SCAP: variants seen among roughly 807,000 people sequenced by gnomAD.
SCAP encodes sterol regulatory element-binding protein cleavage-activating protein.
Under a neutral mutation model 123.6 loss-of-function variants are expected in SCAP, and 65 were observed. The ratio of observed to expected loss-of-function variants is 0.53; its 90% CI spans 0.43 to 0.65. The LOEUF (loss-of-function observed/expected upper bound fraction) is 0.65. Among genes scored for constraint, SCAP ranks in the 30% least tolerant of loss-of-function variants. The pLI, the probability that SCAP is intolerant of heterozygous loss-of-function variation, is 0.00. For missense variants in SCAP, 1,398 were observed against 1,712.5 expected (o/e 0.82, Z 3.24); for synonymous variants, 740 against 726.3 (o/e 1.02, Z -0.30).
intron 1 of SCAP, among the ~76,000 whole-genome samples, chr3:47,444,066 T>C (rs1706929394): frequency 6.6e-6 from 1 of 152,194 alleles, no homozygotes. Context: ...TTCTAATAAA[T>C]TATCTTTTTG....
intron 1 of SCAP, among the ~76,000 whole-genome samples, chr3:47,456,509 T>C (rs2107975759): frequency 6.6e-6 from 1 of 152,114 alleles, no homozygotes; most frequent in East Asian, 1.9e-4. Flanking sequence ...CTCATGCCTG[T>C]AATCCCAGCA....
At chr3:47,436,872 C>T (rs148681312) in intron 2 of SCAP, among the ~76,000 whole-genome samples, 15 of 152,268 alleles carry the variant, frequency 9.9e-5, no homozygotes, top group Non-Finnish European at 2.2e-4. Flanking sequence ...CATACCACTC[C>T]CCACCACCAA....
intron 1 of SCAP, among the ~76,000 whole-genome samples, chr3:47,467,966 G>A (rs1027691294): frequency 1.3e-4 from 19 of 151,036 alleles, no homozygotes; most frequent in Admixed American, 4.6e-4. Flanking sequence ...GAGAACATGC[G>A]GTGTTTGGTT....
rs757735586 is a variant in SCAP at position 47,427,682 on chromosome 3, G to C, written c.411-15C>G. On this transcript the variant is annotated splice_polypyrimidine_tract_variant and intron_variant, in intron 4 of 22. Transcript: ENST00000265565. ...TGATCCCAGAGCTGCACAGGAGACA[G>C]GACAAGGCACCTGCTGTGTCTGCCA... is the stretch of plus-strand genomic sequence containing the variant. The C allele has an allele frequency of 4.0e-5, 65 of 1,609,484 alleles. No homozygotes were observed. The highest frequency in any genetic ancestry group is 2.5e-4 in the African/African-American group (19 of 74,784).
chr3:47,422,031 A>C (rs1449210186), intron 10 of SCAP, among the ~76,000 whole-genome samples: 1 of 152,276 alleles, frequency 6.6e-6, no homozygotes, highest in Non-Finnish European at 1.5e-5. Flanking sequence ...AAGGGAGGAG[A>C]CCGGAGGAAG....
At chr3:47,441,081 T>C (rs1305691437) in intron 2 of SCAP, among the ~76,000 whole-genome samples, 1 of 152,026 alleles carries the variant, frequency 6.6e-6, no homozygotes, top group East Asian at 1.9e-4. Flanking sequence ...TTTGCATTTT[T>C]AGTAGAGACG....
intron 6 of SCAP, among the ~76,000 whole-genome samples, chr3:47,426,638 C>T (rs537667976): frequency 1.1e-4 from 16 of 152,166 alleles, no homozygotes; most frequent in Non-Finnish European, 1.9e-4. Flanking sequence ...GGGGTTTCAC[C>T]GTGTTAGCCA....
chr3:47,422,872 C>G (rs1649283174), intron 9 of SCAP: 1 of 216,292 alleles, frequency 4.6e-6, no homozygotes, highest in African/African-American at 2.3e-5. Context: ...CATCCAACCT[C>G]CGCATGTGGT....
At position 47,414,921 on chromosome 3, in the gene SCAP, G is replaced by A. The variant is rs1392162162; in HGVS notation, c.3212C>T (p.Thr1071Ile). The A allele has an allele frequency of 6.2e-7, 1 of 1,612,794 alleles. No individual in the cohort carries two copies. The highest frequency in any genetic ancestry group is 1.3e-5 in the African/African-American group (1 of 75,054). Residue 1071 changes from threonine (T) to isoleucine (I), a missense_variant, in exon 20 of 23, where the codon ACC (threonine) becomes ATC (isoleucine). Thr to Ile is a moderately conservative substitution (Grantham distance 89, BLOSUM62 -1). Around this residue, in one of 7 missense-constraint regions of SCAP, gnomAD observed 828 missense variants for 882.5 expected, o/e 0.94. Transcript: ENST00000265565. The part of the protein sequence containing the change: ...SSSDTVACHL[T>I]HTVPCAHQKP... Reference sequence around the variant, plus strand: ...TTGGTGTGCACAGGGCACTGTGTGGGTCAGGTGACAGGCCACTGTGTCGCT... The same window carrying A: ...TTGGTGTGCACAGGGCACTGTGTGGATCAGGTGACAGGCCACTGTGTCGCT...
At chr3:47,455,716 G>A (rs1209482921) in intron 1 of SCAP, among the ~76,000 whole-genome samples, 1 of 151,608 alleles carries the variant, frequency 6.6e-6, no homozygotes, top group South Asian at 2.1e-4. Flanking sequence ...TCAATATAAC[G>A]TAACCAAAGT....
At chr3:47,467,767 G>A (rs1240704408) in intron 1 of SCAP, among the ~76,000 whole-genome samples, 3 of 152,022 alleles carry the variant, frequency 2.0e-5, no homozygotes, top group Non-Finnish European at 4.4e-5. Context: ...GGGTACATGT[G>A]CACAACATAC....
intron 3 of SCAP, among the ~76,000 whole-genome samples, chr3:47,433,274 T>C (rs1706439957): frequency 6.6e-6 from 1 of 152,188 alleles, no homozygotes. Context: ...GGAGGTGAGA[T>C]AACTGACCAC....
In SCAP at chr3:47,418,177, C is replaced by T. The variant is rs763970860; in HGVS notation, c.2404G>A (p.Asp802Asn). 2 of 1,574,816 alleles carry T rather than the reference C, an allele frequency of 1.3e-6. No homozygotes were observed. Among genetic ancestry groups the T allele is most frequent in the Non-Finnish European group, 1.7e-6 (2 of 1,160,864 alleles). Reference protein sequence around the residue: ...CCLAGHVCVWDAQTGDCLTRI... With the variant: ...CCLAGHVCVWNAQTGDCLTRI... ...GTTAGGCAATCCCCGGTCTGCGCGTCCCACACGCAGACGTGGCCTGCCAGG... is the reference window on the plus strand; with the variant it reads ...GTTAGGCAATCCCCGGTCTGCGCGTTCCACACGCAGACGTGGCCTGCCAGG... Residue 802 changes from aspartate (D) to asparagine (N), a missense_variant, in exon 16 of 23, where the codon GAC becomes AAC. Coordinates refer to ENST00000265565, the MANE Select transcript of SCAP (RefSeq NM_012235.4).
At chr3:47,445,291 G>T (rs1706989241) in intron 1 of SCAP, among the ~76,000 whole-genome samples, 1 of 144,460 alleles carries the variant, frequency 6.9e-6, no homozygotes, top group Admixed American at 7.1e-5. Context: ...TTGTTGCCCA[G>T]GCTGGAGTGC....
intron 3 of SCAP, among the ~76,000 whole-genome samples, chr3:47,431,728 GT>G (rs1183248828): frequency 6.6e-6 from 1 of 152,138 alleles, no homozygotes; most frequent in African/African-American, 2.4e-5. Flanking sequence ...ATCAATCAAT[GT>G]GATTTATCAC....
Position 47,414,007 on chromosome 3 carries a change from G to A in SCAP, c.3687C>T (p.Tyr1229=), listed in dbSNP as rs200561713. 78 of 1,613,286 alleles carry A rather than the reference G, an allele frequency of 4.8e-5. No individual in the cohort carries two copies. Among genetic ancestry groups the A allele is most frequent in the Middle Eastern group, 1.6e-4 (1 of 6,062 alleles). The change falls in exon 23 of 23, where the codon TAC becomes TAT. Residue 1229 remains tyrosine, a synonymous_variant. Transcript: ENST00000265565. ...QGCVSFWDLN[Y]GDLLQTVYLG... Reference sequence around the variant, plus strand: ...GGTAGACTGTCTGTAACAGGTCCCCGTAGTTTAGGTCCCAAAAGGAGACAC... The same window carrying A: ...GGTAGACTGTCTGTAACAGGTCCCCATAGTTTAGGTCCCAAAAGGAGACAC...
At chr3:47,426,288 C>G (rs369825023) in intron 6 of SCAP, 119 bp from the exon 7 acceptor site, 3 of 1,011,154 alleles carry the variant, frequency 3.0e-6, no homozygotes, top group East Asian at 2.7e-5. Flanking sequence ...TGAAAGGGAA[C>G]TTCTCTATGG....
chr3:47,466,756 A>G (rs950455616), intron 1 of SCAP, among the ~76,000 whole-genome samples: 7 of 152,204 alleles, frequency 4.6e-5, no homozygotes, highest in Admixed American at 1.3e-4. Context: ...ATAGGCAACA[A>G]AAGAAAAAAA....
intron 2 of SCAP, among the ~76,000 whole-genome samples, chr3:47,440,760 T>A (rs1706765235): frequency 6.6e-6 from 1 of 152,094 alleles, no homozygotes; most frequent in African/African-American, 2.4e-5. Flanking sequence ...CTCAGAGGGC[T>A]GAGGTAGGAG....
Sources: gnomAD v4.1 joint callset for allele counts (sites outside exome capture counted in the v4.1 genomes callset) on GRCh38, gnomAD v4.1.1 for gene constraint, gnomAD v4.1.1 regional missense constraint, MANE v1.5 for transcripts, NCBI Gene and HGNC (gene_info 2026-07-23, HGNC 2026-07-21) for gene names.